The following PLEKHA5 variants were observed in gnomAD, a reference collection of about 807,000 sequenced individuals.
PLEKHA5 encodes pleckstrin homology domain-containing family A member 5.
Under a neutral mutation model 181.9 loss-of-function variants are expected in PLEKHA5, and 55 were observed. That is an observed-to-expected ratio of 0.30 (90% CI 0.24 to 0.38). PLEKHA5 has a LOEUF of 0.38. Ranked by LOEUF, PLEKHA5 falls within the 10% of genes least tolerant of loss-of-function variation. The pLI, the probability that PLEKHA5 is intolerant of heterozygous loss-of-function variation, is 1.00. For synonymous variants in PLEKHA5, 535 were observed against 529.4 expected, an observed-to-expected ratio of 1.01 and a Z score of -0.15; for missense variants, 1,432 against 1,549.5, an observed-to-expected ratio of 0.92 and a Z score of 1.27.
chr12:19,311,475 G>A (rs1218043011), intron 15 of PLEKHA5, among the ~76,000 whole-genome samples: 1 of 150,074 alleles, frequency 6.7e-6, no homozygotes, highest in Non-Finnish European at 1.5e-5. Context: ...AAGTAAAATT[G>A]AACTGAATCC....
At chr12:19,237,166 G>A (rs529630958) in intron 3 of PLEKHA5, 2 of 152,214 alleles carry the variant, frequency 1.3e-5, no homozygotes, top group Non-Finnish European at 2.9e-5. Context: ...ATAATATCTA[G>A]TGCAAAGGAT....
chr12:19,186,026 A>G lies in PLEKHA5; in HGVS notation c.227+53576A>G, dbSNP rs561617565. ...TATCTGTCTCTCTAGGCTTATAAATATACTTGCCAACCACATACATGTCTT... is the reference window on the plus strand; with the variant it reads ...TATCTGTCTCTCTAGGCTTATAAATGTACTTGCCAACCACATACATGTCTT... On this transcript the variant is annotated intron_variant, in intron 3 of 31. Transcript: ENST00000429027. Among the ~76,000 whole-genome samples the G allele has an allele frequency of 3.3e-5, 5 of 152,328 alleles. No homozygotes were observed. In the East Asian group the frequency reaches 5.8e-4, roughly 18 times the overall value.
At chr12:19,319,819 G>A in intron 16 of PLEKHA5, 1 of 394,320 alleles carries the variant, frequency 2.5e-6, no homozygotes, top group Non-Finnish European at 4.5e-6. Context: ...AAATGTACTG[G>A]GCAGAAGCTG....
chr12:19,188,835 A>G (rs1205077163), intron 3 of PLEKHA5, among the ~76,000 whole-genome samples: 5 of 152,196 alleles, frequency 3.3e-5, no homozygotes, highest in Non-Finnish European at 7.3e-5. Context: ...GTGTAAAGGC[A>G]TTATATATAC....
At chr12:19,255,613 TAGG>T (rs367635912) in intron 5 of PLEKHA5, among the ~76,000 whole-genome samples, 185 of 151,796 alleles carry the variant, frequency 1.2e-3, no homozygotes, top group Middle Eastern at 3.5e-3. Flanking sequence ...AAAATTTTGT[TAGG>T]AGATTATAAA....
intron 3 of PLEKHA5, among the ~76,000 whole-genome samples, chr12:19,208,321 C>A (rs905676776): frequency 6.6e-6 from 1 of 151,852 alleles, no homozygotes; most frequent in East Asian, 1.9e-4. Flanking sequence ...GGAGGAGAAT[C>A]GCTTGAACCC....
In PLEKHA5 at chr12:19,365,911, A is replaced by C. The variant is rs564262815; in HGVS notation, c.3609-53A>C. The C allele has an allele frequency of 1.1e-4, 139 of 1,308,262 alleles. No individual in the cohort carries two copies. The East Asian group carries it at 3.6e-3, about 33-fold the overall frequency. The allele number at this position is 1,308,262 out of a possible 1,614,324, so 81.0% of individuals were successfully genotyped here. A position where few individuals can be genotyped will look rare whatever the true frequency, so the allele number is the denominator to read the frequency against. On this transcript the variant is annotated intron_variant, in intron 29 of 31. Transcript: ENST00000429027. Reference sequence around the variant, plus strand: ...ATCTTTTATAACAAAAAAAAGAAAAATTAATTGTATTCTATAGTGACAAAT... The same window carrying C: ...ATCTTTTATAACAAAAAAAAGAAAACTTAATTGTATTCTATAGTGACAAAT...
intron 27 of PLEKHA5, among the ~76,000 whole-genome samples, chr12:19,358,789 C>T (rs2095077647): frequency 6.6e-6 from 1 of 152,150 alleles, no homozygotes; most frequent in African/African-American, 2.4e-5. Flanking sequence ...GTCCCCAATT[C>T]CCCTCTCAAT....
At chr12:19,189,976 T>C (rs757201738) in intron 3 of PLEKHA5, among the ~76,000 whole-genome samples, 1 of 152,216 alleles carries the variant, frequency 6.6e-6, no homozygotes, top group Non-Finnish European at 1.5e-5. Flanking sequence ...TCTGTGCTTT[T>C]CCAAAGACAT....
chr12:19,137,501 G>C (rs2035998009), intron 3 of PLEKHA5, among the ~76,000 whole-genome samples: 1 of 152,130 alleles, frequency 6.6e-6, no homozygotes, highest in African/African-American at 2.4e-5. Flanking sequence ...TAATTCATTA[G>C]TTACAAAACA....
At chr12:19,368,367 C>T (rs1565674219) in intron 30 of PLEKHA5, among the ~76,000 whole-genome samples, 1 of 152,052 alleles carries the variant, frequency 6.6e-6, no homozygotes, top group East Asian at 1.9e-4. Flanking sequence ...GATGGGATGG[C>T]ACTATAGACC....
chr12:19,268,518 G>A (rs993677123), intron 8 of PLEKHA5, among the ~76,000 whole-genome samples: 1 of 152,146 alleles, frequency 6.6e-6, no homozygotes, highest in African/African-American at 2.4e-5. Flanking sequence ...TGTTTCCTCT[G>A]AATGTATGAG....
At chr12:19,271,101 C>A (rs2072605506) in intron 10 of PLEKHA5, among the ~76,000 whole-genome samples, 1 of 152,092 alleles carries the variant, frequency 6.6e-6, no homozygotes, top group African/African-American at 2.4e-5. Context: ...AGGATGAGAG[C>A]AGATAGAAGG....
chr12:19,145,012 A>G (rs2038515831), intron 3 of PLEKHA5, among the ~76,000 whole-genome samples: 1 of 152,214 alleles, frequency 6.6e-6, no homozygotes, highest in Non-Finnish European at 1.5e-5. Flanking sequence ...ACTTTGCACA[A>G]TACAATTATT....
At chr12:19,330,378 G>A (rs375904162) in intron 20 of PLEKHA5, among the ~76,000 whole-genome samples, 26 of 152,230 alleles carry the variant, frequency 1.7e-4, no homozygotes, top group African/African-American at 6.3e-4. Flanking sequence ...TACAGTTTGA[G>A]TTGGTGCCCT....
At chr12:19,364,278 T>C (rs2095353815) in intron 29 of PLEKHA5, among the ~76,000 whole-genome samples, 1 of 151,792 alleles carries the variant, frequency 6.6e-6, no homozygotes, top group Non-Finnish European at 1.5e-5. Context: ...GAGGCTGAGG[T>C]GGGCAGATCA....
At chr12:19,326,442 A>G (rs973819519) in intron 20 of PLEKHA5, among the ~76,000 whole-genome samples, 25 of 152,336 alleles carry the variant, frequency 1.6e-4, no homozygotes, top group Middle Eastern at 3.4e-3. Flanking sequence ...CATAAGGGGT[A>G]TAACATTAGC....
At position 19,342,397 on chromosome 12, in the gene PLEKHA5, C is replaced by T. The variant is rs549291284; in HGVS notation, c.2551-926C>T. On this transcript the variant is annotated intron_variant, in intron 21 of 31. Transcript: ENST00000429027. Reference sequence around the variant, plus strand: ...ATTGGCCGGGCGCGGTGGCTCACACCTGTAATCCCAGCACTTTGGGAGGCT... The same window carrying T: ...ATTGGCCGGGCGCGGTGGCTCACACTTGTAATCCCAGCACTTTGGGAGGCT... 1.2e-4 allele frequency among the ~76,000 whole-genome samples: 19 copies of T among 152,156 alleles called. No individual in the cohort carries two copies. In the East Asian group the frequency reaches 2.9e-3, roughly 23 times the overall value.
intron 7 of PLEKHA5, among the ~76,000 whole-genome samples, chr12:19,262,202 T>A (rs2152629635): frequency 6.6e-6 from 1 of 152,264 alleles, no homozygotes; most frequent in South Asian, 2.1e-4. Flanking sequence ...TTTCTAATAT[T>A]TTAAATTTCT....
Sources: gnomAD v4.1 joint callset for allele counts (sites outside exome capture counted in the v4.1 genomes callset) on GRCh38, gnomAD v4.1.1 for gene constraint, MANE v1.5 for transcripts, NCBI Gene and HGNC (gene_info 2026-07-23, HGNC 2026-07-21) for gene names.